The following CNTNAP2 variants were observed in gnomAD, a reference collection of about 807,000 sequenced individuals.
CNTNAP2 encodes the protein contactin-associated protein-like 2.
A neutral mutation model predicts 155.2 loss-of-function variants in CNTNAP2; 98 were observed. The ratio of observed to expected loss-of-function variants is 0.63; its 90% CI spans 0.54 to 0.75. CNTNAP2 has a LOEUF of 0.75. CNTNAP2 is among the 30% of genes least tolerant of loss of function. The pLI, the probability that CNTNAP2 is intolerant of heterozygous loss-of-function variation, is 0.00. For missense variants in CNTNAP2, 1,727 were observed against 1,688.1 expected (o/e 1.02, Z -0.40); for synonymous variants, 651 against 631.2 (o/e 1.03, Z -0.47).
At chr7:148,316,302 A>T (rs1268590419) in intron 21 of CNTNAP2, among the ~76,000 whole-genome samples, 1 of 152,088 alleles carries the variant, frequency 6.6e-6, no homozygotes, top group East Asian at 1.9e-4. Context: ...ACAAACCTGC[A>T]CGTTGTGCAC....
chr7:146,251,525 A>C (rs1400283527), intron 1 of CNTNAP2, among the ~76,000 whole-genome samples: 1 of 152,218 alleles, frequency 6.6e-6, no homozygotes, highest in South Asian at 2.1e-4. Flanking sequence ...TATTTTGAAG[A>C]CTGATATTCT....
chr7:147,010,301 T>A (rs1220825698), intron 3 of CNTNAP2, among the ~76,000 whole-genome samples: 1 of 151,598 alleles, frequency 6.6e-6, no homozygotes, highest in African/African-American at 2.4e-5. Flanking sequence ...TGAGCCACCA[T>A]TCCTGGCCTA....
At chr7:147,384,109 G>T (rs1202313220) in intron 9 of CNTNAP2, among the ~76,000 whole-genome samples, 2 of 152,086 alleles carry the variant, frequency 1.3e-5, no homozygotes, top group Non-Finnish European at 2.9e-5. Context: ...AGGAAGAAAG[G>T]GTTTGGTTTT....
chr7:147,138,199 G>A (rs528179002), intron 8 of CNTNAP2, among the ~76,000 whole-genome samples: 8 of 151,858 alleles, frequency 5.3e-5, no homozygotes, highest in East Asian at 3.9e-4. Flanking sequence ...TTCTTAGGGC[G>A]AAAATGGAGC....
chr7:147,037,655 G>T (rs1799182020), intron 3 of CNTNAP2, among the ~76,000 whole-genome samples: 1 of 151,762 alleles, frequency 6.6e-6, no homozygotes, highest in Non-Finnish European at 1.5e-5. Context: ...CAGAGACGGG[G>T]TTTCACCATG....
chr7:146,396,286 C>T (rs1795625975), intron 1 of CNTNAP2, among the ~76,000 whole-genome samples: 1 of 152,048 alleles, frequency 6.6e-6, no homozygotes, highest in Admixed American at 6.5e-5. Flanking sequence ...AACAACTTTC[C>T]TAACTTGCAT....
intron 1 of CNTNAP2, among the ~76,000 whole-genome samples, chr7:146,436,578 G>A (rs1163436959): frequency 3.9e-5 from 6 of 152,042 alleles, no homozygotes; most frequent in Admixed American, 3.9e-4. Flanking sequence ...GTAACATAAA[G>A]CAAAATGATA....
chr7:146,621,130 C>T (rs894330708), intron 1 of CNTNAP2, among the ~76,000 whole-genome samples: 5 of 152,106 alleles, frequency 3.3e-5, no homozygotes, highest in Non-Finnish European at 5.9e-5. Context: ...GATAAGGAAC[C>T]GTATCCCTAC....
intron 10 of CNTNAP2, among the ~76,000 whole-genome samples, chr7:147,441,736 C>T (rs1797638234): frequency 6.6e-6 from 1 of 151,734 alleles, no homozygotes; most frequent in African/African-American, 2.4e-5. Context: ...TAAAGAAGAC[C>T]TGGGCGAATT....
At chr7:147,387,947 T>C (rs1796650575) in intron 9 of CNTNAP2, among the ~76,000 whole-genome samples, 1 of 152,184 alleles carries the variant, frequency 6.6e-6, no homozygotes, top group African/African-American at 2.4e-5. Flanking sequence ...GGTTTCCAAA[T>C]GGTGACTTTC....
chr7:147,144,817 A>G (rs1216677980), intron 8 of CNTNAP2, among the ~76,000 whole-genome samples: 1 of 152,218 alleles, frequency 6.6e-6, no homozygotes, highest in African/African-American at 2.4e-5. Context: ...TGTGAGCTGT[A>G]TTCCTGTACA....
intron 1 of CNTNAP2, among the ~76,000 whole-genome samples, chr7:146,163,581 CTATCTATATATA>C (rs905701857): frequency 2.4e-5 from 2 of 84,924 alleles, no homozygotes; most frequent in Non-Finnish European, 5.2e-5. Context: ...ATCTATCTAT[CTATCTATATATA>C]TATATATATC....
chr7:146,328,499 T>A (rs1382639137), intron 1 of CNTNAP2, among the ~76,000 whole-genome samples: 1 of 150,028 alleles, frequency 6.7e-6, no homozygotes, highest in African/African-American at 2.5e-5. Context: ...AACACATCCA[T>A]AATTCACTTA....
chr7:147,072,000 T>C (rs1355627041), intron 4 of CNTNAP2, among the ~76,000 whole-genome samples: 1 of 152,060 alleles, frequency 6.6e-6, no homozygotes, highest in Non-Finnish European at 1.5e-5. Flanking sequence ...ATCTGCACAG[T>C]GGAGGTCATA....
chr7:147,136,470 A>G (rs964591510), intron 8 of CNTNAP2, among the ~76,000 whole-genome samples: 1 of 151,890 alleles, frequency 6.6e-6, no homozygotes, highest in Non-Finnish European at 1.5e-5. Flanking sequence ...TGTTTTATTT[A>G]CTTTGCTTCT....
intron 2 of CNTNAP2, among the ~76,000 whole-genome samples, chr7:146,789,046 A>G (rs1470068035): frequency 1.3e-5 from 2 of 152,210 alleles, no homozygotes; most frequent in Non-Finnish European, 2.9e-5. Context: ...GCTTGTATGT[A>G]CATATTATTT....
chr7:147,944,585 C>T (rs946595428), intron 14 of CNTNAP2, among the ~76,000 whole-genome samples: 15 of 152,120 alleles, frequency 9.9e-5, no homozygotes, highest in African/African-American at 3.4e-4. Flanking sequence ...GTGTCTGTTT[C>T]GCCAGTATTT....
At chr7:146,792,951 A>G (rs1802700440) in intron 2 of CNTNAP2, among the ~76,000 whole-genome samples, 2 of 152,200 alleles carry the variant, frequency 1.3e-5, no homozygotes, top group African/African-American at 2.4e-5. Flanking sequence ...GGTGAGCCAT[A>G]TATGTAATTT....
chr7:146,917,824 C>A, intron 3 of CNTNAP2, among the ~76,000 whole-genome samples: 1 of 152,266 alleles, frequency 6.6e-6, no homozygotes, highest in East Asian at 1.9e-4. Flanking sequence ...TCCTTGCTTT[C>A]CACCATGATT....
Sources: gnomAD v4.1 joint callset for allele counts (sites outside exome capture counted in the v4.1 genomes callset) on GRCh38, gnomAD v4.1.1 for gene constraint, MANE v1.5 for transcripts, NCBI Gene and HGNC (gene_info 2026-07-23, HGNC 2026-07-21) for gene names.